The following FAS variants were observed in gnomAD, a reference collection of about 807,000 sequenced individuals.
The protein encoded by FAS is tumor necrosis factor receptor superfamily member 6.
A neutral mutation model predicts 33.2 loss-of-function variants in FAS; 5 were observed. The observed-to-expected ratio is 0.15, with a 90% CI of 0.08 to 0.32. The LOEUF (loss-of-function observed/expected upper bound fraction) is 0.32. FAS is among the 10% of genes least tolerant of loss of function. The probability of loss-of-function intolerance (pLI) is 1.00; values close to 1 mark genes in which losing one functional copy is unlikely to be tolerated. For synonymous variants in FAS, 131 were observed against 130.7 expected, an observed-to-expected ratio of 1.00 and a Z score of -0.01; for missense variants, 339 against 386.0, an observed-to-expected ratio of 0.88 and a Z score of 1.02.
chr10:89,010,129 G>T (rs9658761), intron 4 of FAS, among the ~76,000 whole-genome samples: 11,981 of 152,250 alleles, frequency 0.079, 598 homozygotes, highest in Middle Eastern at 0.11. Flanking sequence ...CATCATGGGC[G>T]TGGCTATCAC....
chr10:89,001,365 G>T (rs1294835166), intron 1 of FAS, among the ~76,000 whole-genome samples: 1 of 149,786 alleles, frequency 6.7e-6, no homozygotes, highest in African/African-American at 2.5e-5. Flanking sequence ...TATTTTGTCT[G>T]TGGGGTTTTT....
chr10:88,987,006 A>C (rs1002829650), upstream of FAS, among the ~76,000 whole-genome samples: 9 of 152,190 alleles, frequency 5.9e-5, no homozygotes, highest in African/African-American at 2.2e-4. Flanking sequence ...TGTCTATATG[A>C]TTAGATTCAC....
intron 1 of FAS, chr10:88,991,240 A>C: frequency 2.0e-6 from 1 of 492,980 alleles, no homozygotes. Context: ...ACAGGAATTG[A>C]AGCGGAAGTC....
upstream of FAS, among the ~76,000 whole-genome samples, chr10:88,986,846 C>T (rs1291869475): frequency 1.3e-5 from 2 of 152,000 alleles, no homozygotes; most frequent in Non-Finnish European, 2.9e-5. Flanking sequence ...GAACTGTGAC[C>T]CCCAAATTAT....
chr10:88,987,040 T>C (rs914100527), upstream of FAS, among the ~76,000 whole-genome samples: 3 of 152,210 alleles, frequency 2.0e-5, no homozygotes, highest in Admixed American at 6.5e-5. Context: ...AAATCTAAGA[T>C]CTCCGTCCTC....
chr10:88,993,134 T>G (rs1847358872), intron 1 of FAS, among the ~76,000 whole-genome samples: 1 of 152,202 alleles, frequency 6.6e-6, no homozygotes, highest in South Asian at 2.1e-4. Flanking sequence ...TTCTCTTTCC[T>G]TCTCTCAACC....
intron 2 of FAS, among the ~76,000 whole-genome samples, chr10:89,003,767 A>C (rs780918759): frequency 3.9e-5 from 6 of 152,242 alleles, no homozygotes; most frequent in Non-Finnish European, 8.8e-5. Context: ...AATCCTTCAA[A>C]CACTGGTAAA....
At chr10:88,980,136 C>G (rs1013843565) in intron 2 of FAS, among the ~76,000 whole-genome samples, 7 of 152,216 alleles carry the variant, frequency 4.6e-5, no homozygotes, top group African/African-American at 1.7e-4. Flanking sequence ...CCCTTCTGGT[C>G]TGGACAGAAA....
chr10:88,990,508 C>G (rs766063825), upstream of FAS: 21 of 588,910 alleles, frequency 3.6e-5, no homozygotes, highest in African/African-American at 3.8e-4. The surrounding 1 kb of genome is among the most constrained non-coding windows in gnomAD (Gnocchi z 4.9). Flanking sequence ...CTGACTCCTT[C>G]CTCACCCTGA....
At chr10:88,966,154 A>C (rs541134274) in intron 1 of FAS, among the ~76,000 whole-genome samples, 1 of 152,342 alleles carries the variant, frequency 6.6e-6, no homozygotes, top group South Asian at 2.1e-4. Flanking sequence ...CAAGAGCCAC[A>C]CAGAAGCACT....
upstream of FAS, among the ~76,000 whole-genome samples, chr10:88,982,575 AT>A (rs1479065581): frequency 2.0e-5 from 3 of 152,186 alleles, no homozygotes. Context: ...CATTATCCTG[AT>A]TGGCTGAGGG....
chr10:89,004,160 T>C (rs9658736), intron 2 of FAS, among the ~76,000 whole-genome samples: 1,587 of 152,350 alleles, frequency 0.01, 64 homozygotes, highest in Admixed American at 0.073. Context: ...TTGAAATCTT[T>C]GTTCATAATT....
At chr10:88,979,213 C>G (rs956878648) in intron 2 of FAS, among the ~76,000 whole-genome samples, 1 of 151,590 alleles carries the variant, frequency 6.6e-6, no homozygotes, top group Non-Finnish European at 1.5e-5. Context: ...GCGTAGGGAT[C>G]TGGGGAGGAG....
At chr10:89,011,277 CAT>C (rs1186420683) in intron 6 of FAS, among the ~76,000 whole-genome samples, 3 of 152,258 alleles carry the variant, frequency 2.0e-5, no homozygotes, top group Admixed American at 6.5e-5. Context: ...TATGGGGACA[CAT>C]GTTATACAAA....
chr10:89,005,503 A>G (rs914917497), intron 2 of FAS, among the ~76,000 whole-genome samples: 2 of 152,064 alleles, frequency 1.3e-5, no homozygotes, highest in Non-Finnish European at 2.9e-5. Flanking sequence ...ATATATACAC[A>G]TTGTACATAT....
At chr10:88,967,092 C>G (rs1383628345) in intron 1 of FAS, among the ~76,000 whole-genome samples, 2 of 152,168 alleles carry the variant, frequency 1.3e-5, no homozygotes, top group Admixed American at 1.3e-4. Flanking sequence ...CAGGAAGAGA[C>G]CCTCGAGATA....
At chr10:88,984,019 G>A (rs1344830844), upstream of FAS, among the ~76,000 whole-genome samples, 2 of 152,170 alleles carry the variant, frequency 1.3e-5, no homozygotes, top group African/African-American at 4.8e-5. Context: ...AGAGTTTGTG[G>A]GGAGGTTTCA....
rs9658682 is a variant in FAS at position 88,995,053 on chromosome 10, A to G, written c.30+4147A>G. ...GTACTTCCTTATAAGGTACAACACT[A>G]CAATAGCCTTAGTGTGTAGTTTTCT... On this transcript the variant is annotated intron_variant, in intron 1 of 8. Transcript: ENST00000652046. Among the ~76,000 whole-genome samples, 1,341 of 151,642 alleles carry G rather than the reference A, an allele frequency of 8.8e-3. 7 individuals carry two copies. The highest frequency in any genetic ancestry group is 0.032 in the Middle Eastern group (9 of 282).
upstream of FAS, among the ~76,000 whole-genome samples, chr10:88,983,197 T>C (rs1224064721): frequency 3.3e-5 from 5 of 152,228 alleles, no homozygotes; most frequent in Admixed American, 6.5e-5. Context: ...ATGTGAGCTA[T>C]GATTCTTAGA....
Sources: gnomAD v4.1 joint callset for allele counts (sites outside exome capture counted in the v4.1 genomes callset) on GRCh38, gnomAD v4.1.1 for gene constraint, Gnocchi (gnomAD v3.1) non-coding constraint, MANE v1.5 for transcripts, NCBI Gene and HGNC (gene_info 2026-07-23, HGNC 2026-07-21) for gene names.